Variants in DAB1 observed in about 807,000 individuals in gnomAD.
The protein encoded by DAB1 is DAB adaptor protein 1, also known as disabled homolog 1.
A neutral mutation model predicts 64.6 loss-of-function variants in DAB1; 15 were observed. That is an observed-to-expected ratio of 0.23 (90% CI 0.16 to 0.36). The LOEUF is 0.36. DAB1 is among the 10% of genes least tolerant of loss of function. The probability of loss-of-function intolerance (pLI) is 1.00; values close to 1 mark genes in which losing one functional copy is unlikely to be tolerated. For synonymous variants in DAB1, 235 were observed against 251.9 expected, an observed-to-expected ratio of 0.93 and a Z score of 0.64; for missense variants, 596 against 706.7, an observed-to-expected ratio of 0.84 and a Z score of 1.78.
chr1:58,381,561 C>A (rs765933118), intron 3 of DAB1, among the ~76,000 whole-genome samples: 1 of 152,154 alleles, frequency 6.6e-6, no homozygotes, highest in Admixed American at 6.5e-5. Context: ...ACTACTGGAG[C>A]CTCAAGTACA....
At chr1:58,258,857 A>T (rs1660990464) in intron 4 of DAB1, among the ~76,000 whole-genome samples, 1 of 152,170 alleles carries the variant, frequency 6.6e-6, no homozygotes, top group Non-Finnish European at 1.5e-5. Context: ...AAGAAGCAGC[A>T]CTGTACTGTA....
intron 3 of DAB1, among the ~76,000 whole-genome samples, chr1:58,401,434 C>T (rs1483992186): frequency 6.6e-6 from 1 of 152,156 alleles, no homozygotes; most frequent in Non-Finnish European, 1.5e-5. Flanking sequence ...AAGACCCACC[C>T]ATCACCTTCC....
intron 5 of DAB1, among the ~76,000 whole-genome samples, chr1:58,086,676 A>G (rs1167912774): frequency 1.3e-5 from 2 of 151,532 alleles, no homozygotes; most frequent in Non-Finnish European, 2.9e-5. Context: ...CTATACTACC[A>G]TGTTCTCACA....
At chr1:57,221,889 A>ATTT (rs34829466) in intron 2 of DAB1, among the ~76,000 whole-genome samples, 74 of 144,794 alleles carry the variant, frequency 5.1e-4, no homozygotes, top group East Asian at 3.2e-3. Flanking sequence ...GTTAAATGTC[A>ATTT]TTTTTTTTTT....
chr1:58,218,371 T>C (rs777005191), intron 4 of DAB1, among the ~76,000 whole-genome samples: 1 of 152,100 alleles, frequency 6.6e-6, no homozygotes, highest in Non-Finnish European at 1.5e-5. Flanking sequence ...AGGGTCAGGG[T>C]TGAGCCAAGC....
chr1:58,035,979 G>T, intron 5 of DAB1, among the ~76,000 whole-genome samples: 1 of 152,182 alleles, frequency 6.6e-6, no homozygotes, highest in Non-Finnish European at 1.5e-5. Context: ...TACGGTTGAT[G>T]TTAAATAGGA....
chr1:58,129,172 T>A (rs1045830508), intron 5 of DAB1, among the ~76,000 whole-genome samples: 2 of 151,250 alleles, frequency 1.3e-5, no homozygotes, highest in African/African-American at 4.9e-5. Flanking sequence ...AACTTCTTCC[T>A]GGTTTAGTCT....
rs1645651355 is a variant in DAB1, at chr1:56,996,988, C to T, written c.*1156G>A. The T allele has an allele frequency of 6.6e-6, 1 of 151,620 alleles. No homozygotes were observed. The highest frequency in any genetic ancestry group is 2.1e-4 in the South Asian group (1 of 4,796). The allele number at this position is 151,620 out of a possible 1,614,324, so 9.4% of individuals were successfully genotyped here. ...TTTTCAAGTTATAAAATAAAAATCC[C>T]ATTTGAATTTTCTGATGTACAAAAA... is the stretch of plus-strand genomic sequence containing the variant. On this transcript the variant is annotated 3_prime_UTR_variant, in exon 15 of 15. Transcript: ENST00000371236.
At chr1:57,217,245 C>T (rs1368205400) in intron 2 of DAB1, among the ~76,000 whole-genome samples, 2 of 152,208 alleles carry the variant, frequency 1.3e-5, no homozygotes, top group Non-Finnish European at 2.9e-5. Context: ...TAATCAACTT[C>T]TTCAAACTCT....
chr1:58,373,675 G>C (rs368562278), intron 3 of DAB1, among the ~76,000 whole-genome samples: 3 of 152,070 alleles, frequency 2.0e-5, no homozygotes, highest in East Asian at 1.9e-4. Context: ...ATGATTTATA[G>C]TCATTTGGGT....
chr1:57,145,256 A>C, intron 3 of DAB1, 34 bp downstream of exon 3: 1 of 1,606,454 alleles, frequency 6.2e-7, no homozygotes, highest in Non-Finnish European at 8.5e-7. Flanking sequence ...CACATTAAAC[A>C]CAAAGTATTG....
chr1:57,540,563 T>C (rs936540618), intron 7 of DAB1, among the ~76,000 whole-genome samples: 1 of 152,196 alleles, frequency 6.6e-6, no homozygotes, highest in Non-Finnish European at 1.5e-5. Flanking sequence ...CATCAATGGA[T>C]GAATGGATAA....
Position 57,238,465 on chromosome 1 carries a change from G to A in DAB1, c.67+52499C>T, listed in dbSNP as rs183572956. 7.4e-3 allele frequency among the ~76,000 whole-genome samples: 1,129 copies of A among 152,310 alleles called. 7 individuals carry two copies. Among genetic ancestry groups the A allele is most frequent in the Non-Finnish European group, 0.012 (825 of 68,024 alleles). ...TATATTTAGATGCTGCTATCTGTCC[G>A]TCTGATGAAGATTCGCTCTCTTGCT... On this transcript the variant is annotated intron_variant, in intron 2 of 14. Transcript: ENST00000371236.
In DAB1 at chr1:57,126,247, T is replaced by A. The variant is rs1175745697; in HGVS notation, c.306+10296A>T. ...ATTCATCTCACTGTTAATTCTAGAA[T>A]CAAAAATTAAGTATGTATAGTTAGT... On this transcript the variant is annotated intron_variant, in intron 4 of 14. Coordinates refer to ENST00000371236, the MANE Select transcript of DAB1 (RefSeq NM_001365792.1). Among the ~76,000 whole-genome samples, 12 of 152,156 alleles carry A rather than the reference T, an allele frequency of 7.9e-5. 1 individual carries two copies. The highest frequency in any genetic ancestry group is 7.9e-4 in the Admixed American group (12 of 15,272).
chr1:57,867,173 C>A (rs114979026), intron 1 of DAB1: 1 of 152,116 alleles, frequency 6.6e-6, no homozygotes, highest in Admixed American at 6.6e-5. Flanking sequence ...CCCATAACCA[C>A]GGTCATTAAT....
At chr1:57,475,684 G>T (rs755379688) in intron 7 of DAB1, among the ~76,000 whole-genome samples, 2 of 152,154 alleles carry the variant, frequency 1.3e-5, no homozygotes, top group Non-Finnish European at 2.9e-5. Context: ...CCAGCCTTGA[G>T]CCCAGGACTG....
At chr1:57,710,851 G>A (rs1647020055) in intron 6 of DAB1, among the ~76,000 whole-genome samples, 1 of 152,140 alleles carries the variant, frequency 6.6e-6, no homozygotes, top group Non-Finnish European at 1.5e-5. Context: ...AAATTCAAAG[G>A]CTAGGGTTTC....
chr1:58,248,761 A>G (rs981631777), intron 4 of DAB1, among the ~76,000 whole-genome samples: 4 of 152,144 alleles, frequency 2.6e-5, no homozygotes, highest in Non-Finnish European at 5.9e-5. Flanking sequence ...CTGTGTTGTA[A>G]TACTGCAGTG....
At chr1:57,450,255 A>T (rs1465459118) in intron 7 of DAB1, among the ~76,000 whole-genome samples, 1 of 152,220 alleles carries the variant, frequency 6.6e-6, no homozygotes, top group African/African-American at 2.4e-5. Flanking sequence ...TATTTTACGA[A>T]TAGAATTCTT....
Sources: gnomAD v4.1 joint callset for allele counts (sites outside exome capture counted in the v4.1 genomes callset) on GRCh38, gnomAD v4.1.1 for gene constraint, MANE v1.5 for transcripts, NCBI Gene and HGNC (gene_info 2026-07-23, HGNC 2026-07-21) for gene names.